Variants in LPP observed in about 807,000 individuals in gnomAD.
LPP encodes lipoma-preferred partner.
LPP carries 38 observed loss-of-function variants against 60.4 expected under a neutral mutation model. The ratio of observed to expected loss-of-function variants is 0.63; its 90% confidence interval spans 0.49 to 0.83. The LOEUF (loss-of-function observed/expected upper bound fraction) is 0.83, where lower values mean the gene tolerates loss of function less well. LPP is among the 40% of genes least tolerant of loss of function. LPP has a pLI of 0.00. For missense variants in LPP, 902 were observed against 783.6 expected (o/e 1.15, Z -1.80); for synonymous variants, 328 against 290.8 (o/e 1.13, Z -1.30).
At chr3:188,584,143 TAA>T (rs1836885612) in intron 6 of LPP, among the ~76,000 whole-genome samples, 1 of 152,338 alleles carries the variant, frequency 6.6e-6, no homozygotes, top group South Asian at 2.1e-4. Context: ...TCTAGGTATA[TAA>T]CTGACAAACA....
At position 188,771,212 on chromosome 3, in the gene LPP, A is replaced by G. The variant is rs572611620; in HGVS notation, c.1410+10930A>G. ...ATTGTAAAAGTCACTAATAATTCATAAAAGGAATGAATTCATTTGTGATCT... is the reference window on the plus strand; with the variant it reads ...ATTGTAAAAGTCACTAATAATTCATGAAAGGAATGAATTCATTTGTGATCT... On this transcript the variant is annotated intron_variant, in intron 9 of 11. Transcript: ENST00000617246. Among the ~76,000 whole-genome samples the G allele has an allele frequency of 2.6e-5, 4 of 152,242 alleles. No homozygotes were observed. The East Asian group carries it at 7.7e-4, about 29-fold the overall frequency.
chr3:188,785,802 G>A (rs928449842), intron 9 of LPP, among the ~76,000 whole-genome samples: 3 of 151,838 alleles, frequency 2.0e-5, no homozygotes, highest in Non-Finnish European at 4.4e-5. Context: ...CATAGGACCA[G>A]CCTGCTGATT....
intron 3 of LPP, among the ~76,000 whole-genome samples, chr3:188,371,707 T>C (rs1773298976): frequency 2.4e-5 from 3 of 125,830 alleles, no homozygotes; most frequent in Non-Finnish European, 4.8e-5. Context: ...CAGGCTGGAG[T>C]GCAGTGGCGC....
At chr3:188,494,039 T>G (rs922339301) in intron 5 of LPP, among the ~76,000 whole-genome samples, 2 of 152,178 alleles carry the variant, frequency 1.3e-5, no homozygotes, top group East Asian at 1.9e-4. Flanking sequence ...TAGCTTGCAC[T>G]TAAACCTTTA....
intron 7 of LPP, among the ~76,000 whole-genome samples, chr3:188,654,352 A>T (rs1852700127): frequency 6.6e-6 from 1 of 152,216 alleles, no homozygotes; most frequent in South Asian, 2.1e-4. Context: ...TTCCTGACAG[A>T]GGAAATAACA....
chr3:188,172,420 C>T (rs1278974042), intron 1 of LPP, among the ~76,000 whole-genome samples: 1 of 152,132 alleles, frequency 6.6e-6, no homozygotes, highest in Non-Finnish European at 1.5e-5. Context: ...TGAGTTAATA[C>T]ATATAAAGCC....
At chr3:188,824,379 G>T (rs1391436541) in intron 9 of LPP, among the ~76,000 whole-genome samples, 1 of 152,184 alleles carries the variant, frequency 6.6e-6, no homozygotes, top group African/African-American at 2.4e-5. Context: ...ATTAAATTAA[G>T]TTAAAAATTT....
chr3:188,620,483 G>A (rs983647490), intron 7 of LPP, among the ~76,000 whole-genome samples: 2 of 152,282 alleles, frequency 1.3e-5, no homozygotes, highest in Non-Finnish European at 2.9e-5. Flanking sequence ...TGTAGCATAT[G>A]TGATTGCTGT....
At chr3:188,243,304 A>G (rs555447083) in intron 2 of LPP, among the ~76,000 whole-genome samples, 1 of 152,234 alleles carries the variant, frequency 6.6e-6, no homozygotes, top group East Asian at 1.9e-4. Context: ...CCTACCCCTC[A>G]GGTTATTTTA....
At chr3:188,760,435 T>TGTGTGTGCGCGCGC (rs777127864) in intron 9 of LPP, among the ~76,000 whole-genome samples, 153 bp downstream of exon 9, 1 of 151,080 alleles carries the variant, frequency 6.6e-6, no homozygotes, top group African/African-American at 2.4e-5. Flanking sequence ...TGTGTGTGTG[T>TGTGTGTGCGCGCGC]GCGTGCGCGC....
chr3:188,704,417 A>G (rs944603429), intron 7 of LPP, among the ~76,000 whole-genome samples: 8 of 152,216 alleles, frequency 5.3e-5, no homozygotes, highest in Non-Finnish European at 2.9e-5. Flanking sequence ...GAGAACCTGA[A>G]GTTATGAAAG....
At chr3:188,173,447 T>C (rs911302048) in intron 1 of LPP, among the ~76,000 whole-genome samples, 2 of 151,866 alleles carry the variant, frequency 1.3e-5, no homozygotes, top group African/African-American at 2.4e-5. Flanking sequence ...GAGGTTGCAG[T>C]GAGCTGAGAT....
intron 2 of LPP, among the ~76,000 whole-genome samples, chr3:188,245,589 G>A (rs1220167328): frequency 3.3e-5 from 5 of 151,764 alleles, no homozygotes; most frequent in Non-Finnish European, 7.4e-5. Context: ...TGTCACCTAT[G>A]CAATAAAGAC....
chr3:188,351,175 A>G (rs1578257486), intron 3 of LPP, among the ~76,000 whole-genome samples: 1 of 152,212 alleles, frequency 6.6e-6, no homozygotes. Flanking sequence ...GGCCCCAGAC[A>G]TAGTGCTCAG....
chr3:188,290,645 G>T (rs1577887714), intron 2 of LPP, among the ~76,000 whole-genome samples: 1 of 152,222 alleles, frequency 6.6e-6, no homozygotes, highest in Middle Eastern at 3.4e-3. Flanking sequence ...CATAGGAGTT[G>T]TATTTACACA....
chr3:188,325,764 T>G (rs1758260395), intron 2 of LPP, among the ~76,000 whole-genome samples: 1 of 152,238 alleles, frequency 6.6e-6, no homozygotes, highest in African/African-American at 2.4e-5. Context: ...ATATTTTTTG[T>G]GTTCCTCTTG....
rs1766550445 is a variant in LPP at position 188,866,171 on chromosome 3, T to C, written c.1411-29T>C. 4 of 1,443,154 alleles carry C rather than the reference T, an allele frequency of 2.8e-6. No homozygotes were observed. In the African/African-American group the frequency reaches 5.8e-5, roughly 21 times the overall value. 89.4% of individuals were successfully genotyped at this position (1,443,154 alleles called of 1,614,324 possible). A position where few individuals can be genotyped will look rare whatever the true frequency, so the allele number is the denominator to read the frequency against. The stretch of plus-strand genomic sequence containing the variant: ...CAGTATGGACCCCCTTCTGTCCCAG[T>C]CTGACGTGGTTTCTGTTTCCTTCCC... On this transcript the variant is annotated intron_variant, in intron 9 of 11. Coordinates refer to ENST00000617246, the MANE Select transcript of LPP (RefSeq NM_001375462.1).
At chr3:188,202,931 G>A (rs933999895) in intron 1 of LPP, among the ~76,000 whole-genome samples, 1 of 151,816 alleles carries the variant, frequency 6.6e-6, no homozygotes, top group Non-Finnish European at 1.5e-5. Flanking sequence ...TTTGTCCAGT[G>A]TCACGTGGGG....
intron 7 of LPP, among the ~76,000 whole-genome samples, chr3:188,632,986 C>T: frequency 6.6e-6 from 1 of 152,160 alleles, no homozygotes; most frequent in East Asian, 1.9e-4. Context: ...GGAGAAAAGT[C>T]TAACATACTA....
Sources: gnomAD v4.1 joint callset for allele counts (sites outside exome capture counted in the v4.1 genomes callset) on GRCh38, gnomAD v4.1.1 for gene constraint, MANE v1.5 for transcripts, NCBI Gene and HGNC (gene_info 2026-07-23, HGNC 2026-07-21) for gene names.